Variants in MAP2 observed in about 807,000 individuals in gnomAD.
The protein encoded by MAP2 is microtubule associated protein 2, also known as microtubule-associated protein 2.
A neutral mutation model predicts 137.6 loss-of-function variants in MAP2; 14 were observed. The observed-to-expected ratio is 0.10, with a 90% CI of 0.07 to 0.16. The LOEUF (loss-of-function observed/expected upper bound fraction) is 0.16, where lower values mean the gene tolerates loss of function less well. MAP2 is among the 10% of genes least tolerant of loss of function. The pLI is 1.00. For synonymous variants in MAP2, 786 were observed against 782.3 expected (o/e 1.00, Z -0.08); for missense variants, 2,088 against 2,191.5 (o/e 0.95, Z 0.94).
intron 3 of MAP2, among the ~76,000 whole-genome samples, chr2:209,592,994 AATC>A (rs1227593752): frequency 3.9e-5 from 6 of 152,106 alleles, no homozygotes; most frequent in African/African-American, 1.4e-4. Flanking sequence ...TTGTCAACTG[AATC>A]ATCAACTTTA....
At chr2:209,641,012 G>T (rs1248474736) in intron 4 of MAP2, among the ~76,000 whole-genome samples, 1 of 151,534 alleles carries the variant, frequency 6.6e-6, no homozygotes, top group African/African-American at 2.4e-5. Flanking sequence ...CTGGATCATG[G>T]CCCTGTTACA....
rs550048650 is a variant in MAP2 at position 209,457,220 on chromosome 2, G to A, written c.-222+32944G>A. On this transcript the variant is annotated intron_variant, in intron 1 of 15. Transcript: ENST00000682079. The stretch of plus-strand genomic sequence containing the variant: ...AATCGTGAAGGGCGTGAATGGCTTG[G>A]CTATGGCAGCTACCCAGATGAGCTT... Among the ~76,000 whole-genome samples the A allele has an allele frequency of 2.6e-5, 4 of 152,254 alleles. No homozygotes were observed. The South Asian group carries it at 8.3e-4, about 32-fold the overall frequency.
intron 2 of MAP2, among the ~76,000 whole-genome samples, chr2:209,558,817 G>T (rs562075609): frequency 1.4e-3 from 220 of 151,972 alleles, no homozygotes; most frequent in Non-Finnish European, 2.7e-3. Flanking sequence ...CAGGCCAGTT[G>T]TCTTGAAGAC....
chr2:209,482,130 A>G (rs547205840), intron 1 of MAP2, among the ~76,000 whole-genome samples: 1 of 152,322 alleles, frequency 6.6e-6, no homozygotes, highest in Admixed American at 6.5e-5. Flanking sequence ...ACACTTCACT[A>G]TTCTTACTTA....
chr2:209,520,114 T>C (rs80061596), intron 2 of MAP2, among the ~76,000 whole-genome samples: 1 of 152,166 alleles, frequency 6.6e-6, no homozygotes, highest in Middle Eastern at 3.4e-3. Context: ...ATCCCCATCC[T>C]TTTTTATAGC....
At chr2:209,511,578 AT>A (rs989839037) in intron 2 of MAP2, among the ~76,000 whole-genome samples, 4 of 151,748 alleles carry the variant, frequency 2.6e-5, no homozygotes, top group Non-Finnish European at 5.9e-5. Context: ...ATTTCCTATG[AT>A]TTTTTTTGAA....
intron 3 of MAP2, among the ~76,000 whole-genome samples, chr2:209,602,800 C>T (rs984939373): frequency 3.9e-5 from 6 of 152,168 alleles, no homozygotes; most frequent in South Asian, 2.1e-4. Context: ...GTGGGCCTTG[C>T]GGCACTTCTC....
At chr2:209,686,275 T>A (rs2056973916) in intron 7 of MAP2, among the ~76,000 whole-genome samples, 7 of 152,224 alleles carry the variant, frequency 4.6e-5, no homozygotes, top group Admixed American at 4.6e-4. Context: ...TCCAGAAACA[T>A]CTTCCATGGA....
chr2:209,435,502 CT>C (rs1166353853), intron 1 of MAP2, among the ~76,000 whole-genome samples: 1 of 151,670 alleles, frequency 6.6e-6, no homozygotes, highest in African/African-American at 2.4e-5. Flanking sequence ...TAGAGGGTTC[CT>C]TTTGGAGAAC....
Position 209,723,144 on chromosome 2 carries a change from C to G in MAP2, c.5074-2565C>G, listed in dbSNP as rs185960557. Among the ~76,000 whole-genome samples the G allele has an allele frequency of 1.1e-3, 160 of 152,198 alleles. 2 individuals carry two copies. The highest frequency in any genetic ancestry group is 1.2e-3 in the Admixed American group (19 of 15,272). On this transcript the variant is annotated intron_variant, in intron 13 of 15. Coordinates refer to ENST00000682079, the MANE Select transcript of MAP2 (RefSeq NM_001375505.1). ...TGGACCAACAGAACAGTCAAGTGTA[C>G]GAGGTGATTAATAATTGTGATGGCT...
rs1559371083 is a variant in MAP2, at chr2:209,593,637, AT to A, written c.-107+13538del. On this transcript the variant is annotated intron_variant, in intron 3 of 15. Coordinates refer to ENST00000682079, the MANE Select transcript of MAP2 (RefSeq NM_001375505.1). ...GTCTCTACAAAAAAAAAAAAAAAAT[AT>A]ATATATATATATATATATATATATA... Among the ~76,000 whole-genome samples the A allele has an allele frequency of 9.1e-3, 288 of 31,796 alleles. 32 individuals are homozygous for A. The highest frequency in any genetic ancestry group is 0.024 in the African/African-American group (161 of 6,798). 20.9% of individuals were successfully genotyped at this position (31,796 alleles called of 152,430 possible).
intron 11 of MAP2, among the ~76,000 whole-genome samples, chr2:209,702,368 C>T (rs780669821): frequency 3.3e-5 from 5 of 151,692 alleles, no homozygotes; most frequent in Non-Finnish European, 7.4e-5. Flanking sequence ...ATCCCATATC[C>T]TTGTTCTATA....
chr2:209,631,214 C>G (rs1232215246), intron 4 of MAP2, among the ~76,000 whole-genome samples: 2 of 151,918 alleles, frequency 1.3e-5, no homozygotes, highest in Admixed American at 6.6e-5. Context: ...TCTGTCCTGT[C>G]CCTTTGATGC....
At chr2:209,589,482 C>G (rs1441013037) in intron 3 of MAP2, among the ~76,000 whole-genome samples, 1 of 152,100 alleles carries the variant, frequency 6.6e-6, no homozygotes, top group Non-Finnish European at 1.5e-5. Context: ...GACTTGATTG[C>G]TAAAATAAGG....
At chr2:209,478,230 G>A (rs1243206347) in intron 1 of MAP2, among the ~76,000 whole-genome samples, 1 of 152,138 alleles carries the variant, frequency 6.6e-6, no homozygotes, top group East Asian at 1.9e-4. Flanking sequence ...CCCAGCCTCT[G>A]AAATCAAGCA....
chr2:209,579,463 T>C lies in MAP2; in HGVS notation c.-171-573T>C, dbSNP rs960594756. The C allele has an allele frequency of 3.9e-5, 6 of 152,318 alleles. No homozygotes were observed. The East Asian group carries it at 9.7e-4, about 25-fold the overall frequency. 9.4% of individuals were successfully genotyped at this position (152,318 alleles called of 1,614,324 possible). A position where few individuals can be genotyped will look rare whatever the true frequency, so the allele number is the denominator to read the frequency against. ...CGTAAGTGAGGGCTGCATCCTATTG[T>C]CAGTGAATGATGGCGGAGCTGAGTG... On this transcript the variant is annotated intron_variant, in intron 2 of 15. Transcript: ENST00000682079.
intron 13 of MAP2, among the ~76,000 whole-genome samples, chr2:209,711,541 A>G (rs2065470691): frequency 6.6e-6 from 1 of 152,192 alleles, no homozygotes; most frequent in Non-Finnish European, 1.5e-5. Context: ...TTTTTCACAG[A>G]CAGATGCTAT....
In MAP2 at chr2:209,696,369, A is replaced by G; in HGVS notation, c.4180+19A>G. 14 of 1,526,032 alleles carry G rather than the reference A, an allele frequency of 9.2e-6. No individual in the cohort carries two copies. Among genetic ancestry groups the G allele is most frequent in the Non-Finnish European group, 1.2e-5 (14 of 1,143,760 alleles). The allele number at this position is 1,526,032 out of a possible 1,614,324, so 94.5% of individuals were successfully genotyped here. On this transcript the variant is annotated intron_variant, in intron 8 of 15. Coordinates refer to ENST00000682079, the MANE Select transcript of MAP2 (RefSeq NM_001375505.1). ...ACTCAAGGTGTGCATTATTATTATT[A>G]TTATTTTAACTCAAACACAATAACC... is the stretch of plus-strand genomic sequence containing the variant.
At chr2:209,725,850 G>C (rs1559675553) in intron 14 of MAP2, 60 bp downstream of exon 14, 1 of 1,189,948 alleles carries the variant, frequency 8.4e-7, no homozygotes, top group East Asian at 2.7e-5. Context: ...AAAGGGATGA[G>C]AAAATTTTTT....
Sources: allele counts gnomAD v4.1 joint callset (sites outside exome capture counted in the v4.1 genomes callset), GRCh38; gene constraint gnomAD v4.1.1; transcripts MANE v1.5; gene names NCBI Gene and HGNC (gene_info 2026-07-23, HGNC 2026-07-21).